The following FOCAD variants were observed in gnomAD, a reference collection of about 807,000 sequenced individuals.
FOCAD encodes focadhesin.
Under a neutral mutation model 225.6 loss-of-function variants are expected in FOCAD, and 198 were observed. The ratio of observed to expected loss-of-function variants is 0.88; its 90% CI spans 0.78 to 0.99. The LOEUF (loss-of-function observed/expected upper bound fraction) is 0.99, where lower values mean the gene tolerates loss of function less well. Among genes scored for constraint, FOCAD ranks in the 50% least tolerant of loss-of-function variants. The probability of loss-of-function intolerance (pLI) is 0.00; values close to 1 mark genes in which losing one functional copy is unlikely to be tolerated. For missense variants in FOCAD, 2,713 were observed against 2,123.6 expected, an observed-to-expected ratio of 1.28 and a Z score of -5.46; for synonymous variants, 897 against 755.0, an observed-to-expected ratio of 1.19 and a Z score of -3.08.
chr9:20,976,340 G>A, intron 35 of FOCAD, 80 bp from the exon 36 acceptor site: 1 of 1,355,394 alleles, frequency 7.4e-7, no homozygotes, highest in Non-Finnish European at 1.0e-6. Context: ...ATGCTAGAAG[G>A]AAAGAAGGAA....
chr9:20,787,515 T>C (rs1449950067), intron 10 of FOCAD, among the ~76,000 whole-genome samples: 2 of 151,706 alleles, frequency 1.3e-5, no homozygotes, highest in Non-Finnish European at 2.9e-5. Flanking sequence ...TGGTTGTTAA[T>C]GAATTTCTTC....
chr9:20,762,014 T>G (rs559687901), intron 6 of FOCAD, among the ~76,000 whole-genome samples: 3 of 152,200 alleles, frequency 2.0e-5, no homozygotes, highest in Non-Finnish European at 4.4e-5. Context: ...ATATTGTCCT[T>G]AAGGAAGTTC....
chr9:20,899,709 C>G (rs1299530209), intron 21 of FOCAD, among the ~76,000 whole-genome samples: 1 of 151,932 alleles, frequency 6.6e-6, no homozygotes, highest in Non-Finnish European at 1.5e-5. Context: ...ATTTTCAATG[C>G]TATGGAGAGC....
In FOCAD at chr9:20,866,965, G is replaced by A. The variant is rs763740223; in HGVS notation, c.2143G>A (p.Ala715Thr). ...IVANAAYRSL[A>T]NFSAGEHTIL... ...AGCAAATGCTGCATATAGATCCCTG[G>A]CCAACTTTAGTGCAGGAGAACACAC... The change falls in exon 18 of 44, where the codon GCC becomes ACC. Residue 715 changes from alanine (A) to threonine (T), a missense_variant. Coordinates refer to ENST00000338382, the MANE Select transcript of FOCAD (RefSeq NM_001375567.1). 1.4e-6 allele frequency: 2 copies of A among 1,465,818 alleles called. No individual in the cohort carries two copies. The highest frequency in any genetic ancestry group is 1.8e-6 in the Non-Finnish European group (2 of 1,093,706). The allele number at this position is 1,465,818 out of a possible 1,614,324, so 90.8% of individuals were successfully genotyped here. A position where few individuals can be genotyped will look rare whatever the true frequency, so the allele number is the denominator to read the frequency against.
chr9:20,771,619 G>C (rs904552650), intron 8 of FOCAD, among the ~76,000 whole-genome samples: 1 of 152,150 alleles, frequency 6.6e-6, no homozygotes, highest in African/African-American at 2.4e-5. Context: ...AATTAGCTGG[G>C]TGTGGTGTTG....
chr9:20,877,141 TGTGAA>T (rs1830294048), intron 19 of FOCAD, among the ~76,000 whole-genome samples: 1 of 55,754 alleles, frequency 1.8e-5, no homozygotes, highest in African/African-American at 8.0e-5. Context: ...TATAGACCGA[TGTGAA>T]TTTTATAGGG....
chr9:20,825,005 T>C (rs1471589005), intron 15 of FOCAD, among the ~76,000 whole-genome samples: 1 of 152,106 alleles, frequency 6.6e-6, no homozygotes, highest in Non-Finnish European at 1.5e-5. Context: ...GCATTACTAT[T>C]AATTTTGGTG....
chr9:20,769,249 A>G (rs1233503296), intron 7 of FOCAD, among the ~76,000 whole-genome samples: 2 of 152,178 alleles, frequency 1.3e-5, no homozygotes, highest in African/African-American at 4.8e-5. Context: ...CATTTGGGTT[A>G]TTATGGTGAT....
rs190653421 is a variant in FOCAD at position 20,905,977 on chromosome 9, A to G, written c.2626-1173A>G. On this transcript the variant is annotated intron_variant, in intron 21 of 43. Transcript: ENST00000338382. ...ACAGCAATGCCATGAGAAGTAATAG[A>G]TAGCAGTAAGAATTAATCTCTTTGT... 3.1e-3 allele frequency among the ~76,000 whole-genome samples: 467 copies of G among 150,404 alleles called. 5 individuals carry two copies. Among genetic ancestry groups the G allele is most frequent in the African/African-American group, 0.011 (452 of 41,198 alleles).
At chr9:20,839,994 A>G (rs1826357967) in intron 15 of FOCAD, among the ~76,000 whole-genome samples, 1 of 151,686 alleles carries the variant, frequency 6.6e-6, no homozygotes, top group South Asian at 2.1e-4. Flanking sequence ...ATGTCTGGCT[A>G]CTCTATTCTG....
intron 1 of FOCAD, among the ~76,000 whole-genome samples, chr9:20,692,707 T>G (rs183967078): frequency 1.4e-3 from 209 of 152,280 alleles, no homozygotes; most frequent in African/African-American, 4.4e-3. Flanking sequence ...TTTCTTTACG[T>G]AGTGGTGTAA....
At chr9:20,864,483 C>T (rs538079000) in intron 16 of FOCAD, among the ~76,000 whole-genome samples, 2 of 152,072 alleles carry the variant, frequency 1.3e-5, no homozygotes, top group Admixed American at 6.6e-5. Flanking sequence ...TCTTTTTCCT[C>T]TTTAATTTAA....
intron 32 of FOCAD, 145 bp from the exon 33 acceptor site, chr9:20,949,459 G>A: frequency 3.1e-6 from 2 of 643,450 alleles, no homozygotes; most frequent in South Asian, 1.9e-5. Context: ...CCTTTGAGGA[G>A]TTCATAGCTT....
At chr9:20,774,753 A>G (rs1818589244) in intron 8 of FOCAD, among the ~76,000 whole-genome samples, 1 of 152,162 alleles carries the variant, frequency 6.6e-6, no homozygotes, top group African/African-American at 2.4e-5. Context: ...GTCACAGGAT[A>G]CTAATGTCAT....
chr9:20,973,757 G>A (rs1400787863), intron 35 of FOCAD, among the ~76,000 whole-genome samples: 2 of 145,708 alleles, frequency 1.4e-5, no homozygotes, highest in Non-Finnish European at 3.0e-5. Context: ...TTTTTCCTAT[G>A]TTTCTCCTTT....
intron 20 of FOCAD, among the ~76,000 whole-genome samples, chr9:20,882,898 C>T (rs907071543): frequency 2.0e-5 from 3 of 152,142 alleles, no homozygotes; most frequent in Non-Finnish European, 4.4e-5. Context: ...GTCAAAGACT[C>T]ATTAGACTGC....
At chr9:20,849,062 T>G (rs1827395588) in intron 15 of FOCAD, among the ~76,000 whole-genome samples, 2 of 152,092 alleles carry the variant, frequency 1.3e-5, no homozygotes, top group African/African-American at 4.8e-5. Flanking sequence ...CAGAAGGTGC[T>G]TTGTTTTTAA....
At chr9:20,921,299 A>G (rs1469524453) in intron 24 of FOCAD, among the ~76,000 whole-genome samples, 2 of 152,212 alleles carry the variant, frequency 1.3e-5, no homozygotes. Context: ...TAGGTTAATA[A>G]CATCATTTTG....
At chr9:20,685,524 C>G (rs1202266103) in intron 1 of FOCAD, among the ~76,000 whole-genome samples, 2 of 152,182 alleles carry the variant, frequency 1.3e-5, no homozygotes, top group Non-Finnish European at 2.9e-5. Context: ...GATTCACATC[C>G]AATTCCTGCG....
Sources: allele counts gnomAD v4.1 joint callset (sites outside exome capture counted in the v4.1 genomes callset), GRCh38; gene constraint gnomAD v4.1.1; transcripts MANE v1.5; gene names NCBI Gene and HGNC (gene_info 2026-07-23, HGNC 2026-07-21).